The following RBFOX1 variants were observed in gnomAD, a reference collection of about 807,000 sequenced individuals.
The protein encoded by RBFOX1 is RNA binding protein fox-1 homolog 1.
RBFOX1 carries 8 observed loss-of-function variants against 57.7 expected under a neutral mutation model. The ratio of observed to expected loss-of-function variants is 0.14; its 90% CI spans 0.08 to 0.25. The LOEUF is 0.25. Among genes scored for constraint, RBFOX1 ranks in the 10% least tolerant of loss-of-function variants. The pLI is 1.00. For missense variants in RBFOX1, 611 were observed against 548.5 expected, an observed-to-expected ratio of 1.11 and a Z score of -1.14; for synonymous variants, 326 against 222.4, an observed-to-expected ratio of 1.47 and a Z score of -4.15.
rs145931378 is a variant in RBFOX1 at position 6,515,808 on chromosome 16, C to T, written c.-63-138795C>T. ...CTTTACCTGGAACAGCTCCTTCATCCGCCTGAAGTCTCTCACCCACCCTAA... is the reference window on the plus strand; with the variant it reads ...CTTTACCTGGAACAGCTCCTTCATCTGCCTGAAGTCTCTCACCCACCCTAA... On this transcript the variant is annotated intron_variant, in intron 2 of 15. Transcript: ENST00000550418. Among the ~76,000 whole-genome samples the T allele has an allele frequency of 3.1e-3, 474 of 152,146 alleles. 1 individual carries two copies. Among genetic ancestry groups the T allele is most frequent in the South Asian group, 0.022 (107 of 4,808 alleles).
At chr16:7,432,992 G>A (rs1364218006) in intron 4 of RBFOX1, among the ~76,000 whole-genome samples, 2 of 152,196 alleles carry the variant, frequency 1.3e-5, no homozygotes, top group East Asian at 3.8e-4. Context: ...GAGGGAAACA[G>A]GGAAGGAGGT....
intron 3 of RBFOX1, among the ~76,000 whole-genome samples, chr16:6,976,110 G>T (rs962157084): frequency 3.2e-4 from 49 of 150,976 alleles, no homozygotes; most frequent in African/African-American, 1.2e-3. Context: ...CTGGGCGACA[G>T]AGTGAGACTC....
At chr16:6,603,962 C>G (rs2097890486) in intron 2 of RBFOX1, among the ~76,000 whole-genome samples, 3 of 152,138 alleles carry the variant, frequency 2.0e-5, no homozygotes, top group African/African-American at 7.2e-5. Context: ...CTTCTTCCCT[C>G]TGATCTCCTT....
At chr16:6,848,690 A>C (rs947038902) in intron 3 of RBFOX1, among the ~76,000 whole-genome samples, 3 of 152,108 alleles carry the variant, frequency 2.0e-5, no homozygotes, top group African/African-American at 4.8e-5. Context: ...AGCTGGGCAG[A>C]TGGATGGAAT....
At chr16:6,801,527 A>C (rs765994969) in intron 3 of RBFOX1, among the ~76,000 whole-genome samples, 1 of 152,130 alleles carries the variant, frequency 6.6e-6, no homozygotes, top group African/African-American at 2.4e-5. Context: ...TGGGTAAGCA[A>C]AAGTCAGGGC....
chr16:5,375,317 T>A (rs2065957674), intron 1 of RBFOX1, among the ~76,000 whole-genome samples: 1 of 152,096 alleles, frequency 6.6e-6, no homozygotes. Context: ...GGGAAAACTG[T>A]TCTAGGGAGC....
intron 1 of RBFOX1, among the ~76,000 whole-genome samples, chr16:5,457,828 G>A (rs1265489229): frequency 6.6e-6 from 1 of 152,172 alleles, no homozygotes; most frequent in Non-Finnish European, 1.5e-5. Flanking sequence ...CATGAGCTCT[G>A]TGAGAGTAGG....
intron 3 of RBFOX1, among the ~76,000 whole-genome samples, chr16:6,984,404 C>G (rs1413386840): frequency 6.6e-6 from 1 of 152,082 alleles, no homozygotes; most frequent in Non-Finnish European, 1.5e-5. Flanking sequence ...GCATCCTCAC[C>G]AGCCTAGGGG....
At chr16:5,725,085 G>C (rs901237906) in intron 3 of RBFOX1, among the ~76,000 whole-genome samples, 1 of 152,140 alleles carries the variant, frequency 6.6e-6, no homozygotes, top group Non-Finnish European at 1.5e-5. Context: ...TGTCTGTAGA[G>C]ATCCATCTTT....
Position 6,930,732 on chromosome 16 carries a change from G to A in RBFOX1, c.-15-121325G>A, listed in dbSNP as rs150837471. On this transcript the variant is annotated intron_variant, in intron 3 of 15. Transcript: ENST00000550418. ...GCCTAATTCCCCGTTTTTAAAATGG[G>A]TTTAACATCTTTTTATATGTTTATT... 5.8e-3 allele frequency among the ~76,000 whole-genome samples: 876 copies of A among 152,176 alleles called. 3 individuals are homozygous for A. Among genetic ancestry groups the A allele is most frequent in the African/African-American group, 0.019 (808 of 41,524 alleles).
intron 3 of RBFOX1, among the ~76,000 whole-genome samples, chr16:6,810,581 T>A (rs771692085): frequency 6.6e-6 from 1 of 152,156 alleles, no homozygotes; most frequent in Non-Finnish European, 1.5e-5. Context: ...ATTATGAGTT[T>A]CATAGTGCTA....
intron 2 of RBFOX1, among the ~76,000 whole-genome samples, chr16:5,470,542 C>G (rs903697001): frequency 1.4e-4 from 21 of 152,148 alleles, no homozygotes; most frequent in African/African-American, 4.3e-4. Flanking sequence ...TCAGGGCTGT[C>G]AAAGGCAACT....
intron 3 of RBFOX1, among the ~76,000 whole-genome samples, chr16:6,838,710 C>A (rs2093281368): frequency 6.6e-6 from 1 of 152,078 alleles, no homozygotes; most frequent in South Asian, 2.1e-4. Context: ...AGTCTGGGGG[C>A]TTGCCCGTCC....
intron 3 of RBFOX1, among the ~76,000 whole-genome samples, chr16:7,015,603 C>T (rs1411742760): frequency 2.0e-5 from 3 of 152,078 alleles, no homozygotes; most frequent in Non-Finnish European, 4.4e-5. Context: ...TATTTAAGAG[C>T]CTATTAGACA....
At chr16:6,165,622 G>A (rs908600888) in intron 1 of RBFOX1, among the ~76,000 whole-genome samples, 10 of 152,216 alleles carry the variant, frequency 6.6e-5, no homozygotes, top group Admixed American at 2.0e-4. Context: ...TGTAGCTGGA[G>A]TAGCAAACAG....
chr16:7,406,691 G>T (rs1311081680), intron 4 of RBFOX1, among the ~76,000 whole-genome samples: 2 of 152,214 alleles, frequency 1.3e-5, no homozygotes, highest in Admixed American at 6.5e-5. Flanking sequence ...TCCCTTTTCA[G>T]TTACTGCTTT....
intron 1 of RBFOX1, among the ~76,000 whole-genome samples, chr16:5,388,178 A>G (rs965220359): frequency 5.9e-5 from 9 of 152,162 alleles, no homozygotes; most frequent in Admixed American, 2.0e-4. Flanking sequence ...ATTTGCATGA[A>G]TTTGTGACAG....
At chr16:5,325,280 G>C (rs2064536846) in intron 1 of RBFOX1, among the ~76,000 whole-genome samples, 1 of 151,880 alleles carries the variant, frequency 6.6e-6, no homozygotes, top group Non-Finnish European at 1.5e-5. Flanking sequence ...AATAGCTGCA[G>C]GTTTACAGGC....
At chr16:5,726,694 C>G (rs1388033539) in intron 3 of RBFOX1, among the ~76,000 whole-genome samples, 2 of 152,206 alleles carry the variant, frequency 1.3e-5, no homozygotes, top group African/African-American at 2.4e-5. Flanking sequence ...ATTTGCAATG[C>G]TAATAGCTAT....
Sources: gnomAD v4.1 joint callset for allele counts (sites outside exome capture counted in the v4.1 genomes callset) on GRCh38, gnomAD v4.1.1 for gene constraint, MANE v1.5 for transcripts, NCBI Gene and HGNC (gene_info 2026-07-23, HGNC 2026-07-21) for gene names.